Variants in SNX29 observed in about 807,000 individuals in gnomAD.
The protein encoded by SNX29 is sorting nexin-29.
Under a neutral mutation model 102.1 loss-of-function variants are expected in SNX29, and 78 were observed. The observed-to-expected ratio is 0.76, with a 90% CI of 0.64 to 0.92. The LOEUF (loss-of-function observed/expected upper bound fraction) is 0.92. SNX29 is among the 40% of genes least tolerant of loss of function. SNX29 has a pLI of 0.00. For missense variants in SNX29, 1,280 were observed against 1,061.7 expected (o/e 1.21, Z -2.86); for synonymous variants, 580 against 414.5 (o/e 1.40, Z -4.85).
At chr16:11,983,143 C>G (rs1191118583) in intron 1 of SNX29, among the ~76,000 whole-genome samples, 1 of 151,586 alleles carries the variant, frequency 6.6e-6, no homozygotes, top group Non-Finnish European at 1.5e-5. Context: ...GTTGTGCAGG[C>G]TGATCTCAAA....
chr16:12,571,497 G>A lies in SNX29; in HGVS notation c.*2868G>A, dbSNP rs556867669. 3 of 406,610 alleles carry A rather than the reference G, an allele frequency of 7.4e-6. No individual in the cohort carries two copies. Among genetic ancestry groups the A allele is most frequent in the African/African-American group, 4.1e-5 (2 of 48,464 alleles). 25.2% of individuals were successfully genotyped at this position (406,610 alleles called of 1,614,324 possible). On this transcript the variant is annotated 3_prime_UTR_variant, in exon 21 of 21. Transcript: ENST00000566228. ...CCCTACTCAGAGAGGAACGAGGGTG[G>A]CCCACCTCTCAAGGGCCTTGGATTC...
chr16:12,560,746 C>G (rs532117115), intron 20 of SNX29: 1 of 170,692 alleles, frequency 5.9e-6, no homozygotes, highest in Non-Finnish European at 1.3e-5. Flanking sequence ...AACCTCTGCT[C>G]CTGATTAGCC....
At chr16:12,477,482 A>C (rs1479263330) in intron 18 of SNX29, among the ~76,000 whole-genome samples, 2 of 152,212 alleles carry the variant, frequency 1.3e-5, no homozygotes, top group Non-Finnish European at 2.9e-5. Flanking sequence ...GATGTTGGGA[A>C]AATAGCATAC....
intron 15 of SNX29, among the ~76,000 whole-genome samples, chr16:12,336,051 C>A (rs2081439272): frequency 6.6e-6 from 1 of 152,086 alleles, no homozygotes; most frequent in Non-Finnish European, 1.5e-5. Flanking sequence ...TTTATGAAAC[C>A]CTTATTAAAT....
At chr16:12,425,941 A>G (rs571336841) in intron 18 of SNX29, among the ~76,000 whole-genome samples, 3 of 152,298 alleles carry the variant, frequency 2.0e-5, no homozygotes, top group African/African-American at 4.8e-5. Flanking sequence ...TCTTGCAGGC[A>G]GACAGAACCA....
intron 20 of SNX29, among the ~76,000 whole-genome samples, chr16:12,534,889 G>C (rs2077031030): frequency 6.6e-6 from 1 of 152,204 alleles, no homozygotes; most frequent in East Asian, 1.9e-4. Flanking sequence ...CGAGAATCTA[G>C]TGGGTAGAGG....
chr16:12,489,793 T>C (rs2088448668), intron 19 of SNX29, among the ~76,000 whole-genome samples: 1 of 152,140 alleles, frequency 6.6e-6, no homozygotes, highest in Admixed American at 6.6e-5. Context: ...CTCTACTTCT[T>C]GTTGTGGGTT....
chr16:12,416,364 AG>A (rs2084636869), intron 18 of SNX29, among the ~76,000 whole-genome samples: 3 of 152,240 alleles, frequency 2.0e-5, no homozygotes, highest in African/African-American at 7.2e-5. Context: ...GTTGCGCAGC[AG>A]GGTGACTATG....
chr16:12,565,097 C>T (rs1475156898), intron 20 of SNX29, among the ~76,000 whole-genome samples: 4 of 151,948 alleles, frequency 2.6e-5, no homozygotes, highest in African/African-American at 4.8e-5. Flanking sequence ...GTCGTCTTCT[C>T]TTCTGAGTAC....
chr16:12,516,818 A>G lies in SNX29; in HGVS notation c.2179-7884A>G, dbSNP rs191654901. 1.1e-3 allele frequency among the ~76,000 whole-genome samples: 165 copies of G among 152,310 alleles called. 2 individuals carry two copies. Among genetic ancestry groups the G allele is most frequent in the African/African-American group, 3.8e-3 (156 of 41,556 alleles). ...GGAGCGGGACATGCGTTGCAAAGAC[A>G]CACTTGTCAGAAACAAACCAGGAAA... On this transcript the variant is annotated intron_variant, in intron 19 of 20. Coordinates refer to ENST00000566228, the MANE Select transcript of SNX29 (RefSeq NM_032167.5).
At chr16:12,360,162 A>G (rs539709648) in intron 16 of SNX29, among the ~76,000 whole-genome samples, 1 of 152,348 alleles carries the variant, frequency 6.6e-6, no homozygotes, top group East Asian at 1.9e-4. Flanking sequence ...GATATCATGA[A>G]ATACCCAGTC....
Position 12,233,786 on chromosome 16 carries a change from G to A in SNX29, c.1678+34103G>A, listed in dbSNP as rs146841967. ...CACTCTCCACCCCAGGGCCTGGCAA[G>A]CACCATTCTCCTTCCTGTCTCTGTG... On this transcript the variant is annotated intron_variant, in intron 14 of 20. Coordinates refer to ENST00000566228, the MANE Select transcript of SNX29 (RefSeq NM_032167.5). Among the ~76,000 whole-genome samples, 569 of 152,232 alleles carry A rather than the reference G, an allele frequency of 3.7e-3. 4 individuals are homozygous for A. Among genetic ancestry groups the A allele is most frequent in the African/African-American group, 0.013 (542 of 41,524 alleles).
chr16:12,013,500 A>AAAAAAAAAATATAT, intron 3 of SNX29, among the ~76,000 whole-genome samples: 26 of 31,618 alleles, frequency 8.2e-4, no homozygotes, highest in Admixed American at 1.1e-3. Flanking sequence ...AAAAAAAAAA[A>AAAAAAAAAATATAT]ATATATATAT....
intron 16 of SNX29, among the ~76,000 whole-genome samples, chr16:12,384,436 CATT>C (rs2083279609): frequency 6.6e-6 from 1 of 152,214 alleles, no homozygotes; most frequent in Non-Finnish European, 1.5e-5. Flanking sequence ...CACGATATCT[CATT>C]GTAGTTTTGA....
chr16:12,150,864 C>T (rs189324684), intron 13 of SNX29, among the ~76,000 whole-genome samples: 1 of 152,140 alleles, frequency 6.6e-6, no homozygotes, highest in Admixed American at 6.5e-5. Context: ...GGTCATTTAA[C>T]AGACAGAAGC....
intron 15 of SNX29, among the ~76,000 whole-genome samples, chr16:12,351,474 A>T (rs1342118828): frequency 6.6e-6 from 1 of 152,224 alleles, no homozygotes; most frequent in Non-Finnish European, 1.5e-5. Context: ...TGATCTAATT[A>T]ATCAAGAAGC....
intron 20 of SNX29, among the ~76,000 whole-genome samples, chr16:12,566,453 G>C (rs1314200758): frequency 6.6e-6 from 1 of 152,144 alleles, no homozygotes; most frequent in Non-Finnish European, 1.5e-5. Context: ...GTCATTGCAG[G>C]GCAGGGCTCA....
At chr16:12,225,801 T>TA (rs111489385) in intron 14 of SNX29, among the ~76,000 whole-genome samples, 63 of 152,108 alleles carry the variant, frequency 4.1e-4, no homozygotes, top group Non-Finnish European at 6.6e-4. Flanking sequence ...CCTCATGTGT[T>TA]AAAAAAATGT....
chr16:12,568,494 C>T lies in SNX29; in HGVS notation c.2319-12C>T. 1.2e-6 allele frequency: 2 copies of T among 1,609,280 alleles called. No homozygotes were observed. The highest frequency in any genetic ancestry group is 1.7e-6 in the Non-Finnish European group (2 of 1,179,806). ...CCCCAGACTTAACCCGATTCTCTCC[C>T]TGCTCTTTCAGCGACATCACCCCGC... On this transcript the variant is annotated splice_polypyrimidine_tract_variant and intron_variant, in intron 20 of 20. Transcript: ENST00000566228.
Sources: gnomAD v4.1 joint callset for allele counts (sites outside exome capture counted in the v4.1 genomes callset) on GRCh38, gnomAD v4.1.1 for gene constraint, MANE v1.5 for transcripts, NCBI Gene and HGNC (gene_info 2026-07-23, HGNC 2026-07-21) for gene names.